RORB: variants seen among roughly 807,000 people sequenced by gnomAD.
The protein encoded by RORB is nuclear receptor ROR-beta.
A neutral mutation model predicts 59.1 loss-of-function variants in RORB; 6 were observed. The observed-to-expected ratio is 0.10, with a 90% CI of 0.06 to 0.20. The LOEUF (loss-of-function observed/expected upper bound fraction) is 0.20, where lower values mean the gene tolerates loss of function less well. RORB is among the 10% of genes least tolerant of loss of function. The pLI, the probability that RORB is intolerant of heterozygous loss-of-function variation, is 1.00. For synonymous variants in RORB, 215 were observed against 204.5 expected (o/e 1.05, Z -0.44); for missense variants, 320 against 560.5 (o/e 0.57, Z 4.33).
At chr9:74,529,755 A>C (rs1241257087) in intron 1 of RORB, among the ~76,000 whole-genome samples, 2 of 151,866 alleles carry the variant, frequency 1.3e-5, no homozygotes, top group Non-Finnish European at 2.9e-5. Context: ...ATACCTAGGG[A>C]AATGAAAACT....
chr9:74,577,507 T>C (rs1413252347), intron 1 of RORB, among the ~76,000 whole-genome samples: 2 of 152,088 alleles, frequency 1.3e-5, no homozygotes, highest in African/African-American at 2.4e-5. Flanking sequence ...CAAAATAGTG[T>C]GTATATTTCT....
intron 1 of RORB, among the ~76,000 whole-genome samples, chr9:74,521,291 T>C (rs1380178652): frequency 6.6e-6 from 1 of 151,836 alleles, no homozygotes; most frequent in Admixed American, 6.6e-5. Context: ...CCCTTGAAAG[T>C]TTTCCATAAC....
chr9:74,630,448 A>G (rs1823597122), intron 2 of RORB, 81 bp downstream of exon 2: 2 of 975,880 alleles, frequency 2.0e-6, no homozygotes, highest in African/African-American at 3.4e-5. Flanking sequence ...CACGTTTTTA[A>G]GGAAGGCTGG....
chr9:74,691,074 A>G lies in RORB; in HGVS notation c.*5456A>G, dbSNP rs1824732792. The G allele has an allele frequency of 2.6e-5, 4 of 152,234 alleles. No individual in the cohort carries two copies. The highest frequency in any genetic ancestry group is 7.2e-5 in the African/African-American group (3 of 41,468). 9.4% of individuals were successfully genotyped at this position (152,234 alleles called of 1,614,324 possible). Reference sequence around the variant, plus strand: ...AAGTGCAGACCATGGATTCCTATGCAGCAGATGGGGGTTGTCTGTTTGTGC... The same window carrying G: ...AAGTGCAGACCATGGATTCCTATGCGGCAGATGGGGGTTGTCTGTTTGTGC... On this transcript the variant is annotated 3_prime_UTR_variant, in exon 10 of 10. Transcript: ENST00000376896.
At chr9:74,510,848 T>A (rs980209035) in intron 1 of RORB, among the ~76,000 whole-genome samples, 1 of 152,204 alleles carries the variant, frequency 6.6e-6, no homozygotes, top group Non-Finnish European at 1.5e-5. Flanking sequence ...TATTAAAGAA[T>A]GCAAACAGAA....
chr9:74,614,847 A>G (rs1250553251), intron 1 of RORB, among the ~76,000 whole-genome samples: 1 of 152,174 alleles, frequency 6.6e-6, no homozygotes, highest in Non-Finnish European at 1.5e-5. Flanking sequence ...CCTTCCTAGC[A>G]AGGATCAGAA....
intron 1 of RORB, among the ~76,000 whole-genome samples, chr9:74,595,375 C>T (rs908697358): frequency 1.3e-5 from 2 of 151,810 alleles, no homozygotes; most frequent in African/African-American, 2.4e-5. Context: ...CACTCCTGAC[C>T]ATGCCCTTTC....
At chr9:74,551,986 T>C (rs1413645921) in intron 1 of RORB, among the ~76,000 whole-genome samples, 1 of 152,056 alleles carries the variant, frequency 6.6e-6, no homozygotes, top group East Asian at 1.9e-4. Context: ...CAAGAGGCTA[T>C]TGAAAGGACA....
intron 1 of RORB, among the ~76,000 whole-genome samples, chr9:74,521,140 G>T (rs560196831): frequency 6.6e-6 from 1 of 151,906 alleles, no homozygotes; most frequent in South Asian, 2.1e-4. Context: ...TGAAACTTTT[G>T]TTTTTATTCT....
rs1157829630 is a variant in RORB, at chr9:74,687,989, TA to T, written c.*2372del. ...ATTCCTGCTCAGTTGCAGAGGGAAT[TA>T]TTTATTTCCTCCAATTTACCTTAGA... On this transcript the variant is annotated 3_prime_UTR_variant, in exon 10 of 10. Transcript: ENST00000376896. 1 of 152,232 alleles carries T rather than the reference TA, an allele frequency of 6.6e-6. No homozygotes were observed. The highest frequency in any genetic ancestry group is 1.5e-5 in the Non-Finnish European group (1 of 68,048). The allele number at this position is 152,232 out of a possible 1,614,324, so 9.4% of individuals were successfully genotyped here.
At chr9:74,536,902 C>A (rs1171186353) in intron 1 of RORB, among the ~76,000 whole-genome samples, 1 of 151,900 alleles carries the variant, frequency 6.6e-6, no homozygotes, top group Non-Finnish European at 1.5e-5. Context: ...TTAACTATCC[C>A]CATGACCCAC....
intron 6 of RORB, among the ~76,000 whole-genome samples, chr9:74,664,352 GAAC>G (rs1280861158): frequency 1.3e-5 from 2 of 152,232 alleles, no homozygotes; most frequent in Non-Finnish European, 2.9e-5. Context: ...TGACATTTGG[GAAC>G]AACTGAACCA....
At chr9:74,601,764 T>C (rs1823060541) in intron 1 of RORB, among the ~76,000 whole-genome samples, 1 of 152,174 alleles carries the variant, frequency 6.6e-6, no homozygotes, top group Admixed American at 6.5e-5. Context: ...GTTGTAGTCA[T>C]GTGGGCACTT....
intron 2 of RORB, among the ~76,000 whole-genome samples, chr9:74,632,658 A>G (rs1469058799): frequency 1.3e-5 from 2 of 152,202 alleles, no homozygotes; most frequent in African/African-American, 4.8e-5. Context: ...GTCTTAAATT[A>G]GGGCTGTAGC....
chr9:74,587,009 C>A (rs970151297), intron 1 of RORB, among the ~76,000 whole-genome samples: 1 of 152,106 alleles, frequency 6.6e-6, no homozygotes, highest in Admixed American at 6.6e-5. Flanking sequence ...GCTGGTACTG[C>A]CTTACAGATC....
At chr9:74,559,740 C>T (rs1822365904) in intron 1 of RORB, among the ~76,000 whole-genome samples, 1 of 152,012 alleles carries the variant, frequency 6.6e-6, no homozygotes, top group African/African-American at 2.4e-5. Flanking sequence ...GAGATGAATG[C>T]ACCTTGATAG....
intron 1 of RORB, among the ~76,000 whole-genome samples, chr9:74,507,428 A>G (rs950915377): frequency 1.3e-5 from 2 of 152,088 alleles, no homozygotes; most frequent in Admixed American, 1.3e-4. Context: ...TAGTGTAATG[A>G]AAATTAGTGA....
chr9:74,551,189 C>T (rs1318768367), intron 1 of RORB, among the ~76,000 whole-genome samples: 1 of 152,080 alleles, frequency 6.6e-6, no homozygotes, highest in Non-Finnish European at 1.5e-5. Context: ...ATTCCAAGAC[C>T]ATCAGTGGAT....
intron 1 of RORB, among the ~76,000 whole-genome samples, chr9:74,505,776 T>G (rs1199430572): frequency 6.6e-6 from 1 of 152,120 alleles, no homozygotes; most frequent in Non-Finnish European, 1.5e-5. Flanking sequence ...AAATTGAGTT[T>G]ATAGTAGAAC....
Sources: gnomAD v4.1 joint callset for allele counts (sites outside exome capture counted in the v4.1 genomes callset) on GRCh38, gnomAD v4.1.1 for gene constraint, MANE v1.5 for transcripts, NCBI Gene and HGNC (gene_info 2026-07-23, HGNC 2026-07-21) for gene names.